ESPN: variants seen among roughly 807,000 people sequenced by gnomAD.
ESPN encodes the protein espin.
A neutral mutation model predicts 77.7 loss-of-function variants in ESPN; 68 were observed. The observed-to-expected ratio is 0.87, with a 90% confidence interval of 0.72 to 1.07. The LOEUF is 1.07. ESPN is among the 50% of genes least tolerant of loss of function. ESPN has a pLI of 0.00. For missense variants in ESPN, 1,060 were observed against 1,239.0 expected, an observed-to-expected ratio of 0.86 and a Z score of 2.17; for synonymous variants, 449 against 567.1, an observed-to-expected ratio of 0.79 and a Z score of 2.96.
In ESPN at chr1:6,444,626, A is replaced by G. The variant is rs139206180; in HGVS notation, c.1136A>G (p.Asn379Ser). Residue 379 changes from asparagine (N) to serine (S), a missense_variant, in exon 6 of 13, where the codon AAC becomes AGC. Transcript: ENST00000645284. ...AGCTCGCCTACCAGCACCCTCTCCA[A>G]CTACGACTCCTGCTCCTCCAGCCAC... ...DLSSPTSTLSNYDSCSSSHSS... is the reference protein window; with the variant it reads ...DLSSPTSTLSSYDSCSSSHSS... 339 of 1,613,910 alleles carry G rather than the reference A, an allele frequency of 2.1e-4. No individual in the cohort carries two copies. Among genetic ancestry groups the G allele is most frequent in the Non-Finnish European group, 2.7e-4 (315 of 1,179,970 alleles).
rs764237275 is a variant in ESPN, at chr1:6,440,767, G to T, written c.817G>T (p.Gly273Trp). The change falls in exon 4 of 13, where the codon GGG becomes TGG. Residue 273 changes from glycine to tryptophan, a missense_variant. Coordinates refer to ENST00000645284, the MANE Select transcript of ESPN (RefSeq NM_031475.3). ...GGEISADLWGGTPLHDAAENG... is the reference protein window; with the variant it reads ...GGEISADLWGWTPLHDAAENG... ...GGAGATCTCGGCTGACCTGTGGGGCGGGACCCCGCTGCACGACGCCGCCGA... is the reference window on the plus strand; with the variant it reads ...GGAGATCTCGGCTGACCTGTGGGGCTGGACCCCGCTGCACGACGCCGCCGA... 13 of 1,527,784 alleles carry T rather than the reference G, an allele frequency of 8.5e-6. No homozygotes were observed. Among genetic ancestry groups the T allele is most frequent in the African/African-American group, 1.4e-5 (1 of 70,282 alleles). The allele number at this position is 1,527,784 out of a possible 1,614,324, so 94.6% of individuals were successfully genotyped here. A position where few individuals can be genotyped will look rare whatever the true frequency, so the allele number is the denominator to read the frequency against.
chr1:6,461,307 T>C, downstream of ESPN: 3 of 1,232,624 alleles, frequency 2.4e-6, no homozygotes, highest in Non-Finnish European at 3.5e-6. The surrounding 1 kb of genome is among the most constrained non-coding windows in gnomAD (Gnocchi z 6.3). Context: ...TGGGGCCGGC[T>C]GGTGCTGCTA....
At chr1:6,442,211 T>C (rs1643662155) in intron 5 of ESPN, among the ~76,000 whole-genome samples, 2 of 152,300 alleles carry the variant, frequency 1.3e-5, no homozygotes, top group East Asian at 3.9e-4. Context: ...CATTGGATTC[T>C]GACTTAGGCA....
At chr1:6,455,047 C>T (rs1050994060) in intron 10 of ESPN, 8 of 380,494 alleles carry the variant, frequency 2.1e-5, no homozygotes, top group African/African-American at 1.5e-4. Flanking sequence ...GCTGGCGCCC[C>T]GGGCCGGGAG....
chr1:6,451,448 C>A lies in ESPN; in HGVS notation c.1916-155C>A. 1 of 1,066,888 alleles carries A rather than the reference C, an allele frequency of 9.4e-7. No homozygotes were observed. Among genetic ancestry groups the A allele is most frequent in the Non-Finnish European group, 1.4e-6 (1 of 716,358 alleles). The allele number at this position is 1,066,888 out of a possible 1,614,324, so 66.1% of individuals were successfully genotyped here. On this transcript the variant is annotated intron_variant, in intron 8 of 12. Coordinates refer to ENST00000645284, the MANE Select transcript of ESPN (RefSeq NM_031475.3). This position sits in a 1 kb window ranked among gnomAD's most constrained non-coding sequence, Gnocchi z 4.3. ...CCGCCTCTGGGGGCCCTGAAACCTG[C>A]CTGCAGGACCTGGGATCTGGAGAGC...
rs1415120519 is a variant in ESPN at position 6,440,742 on chromosome 1, G to A, written c.792G>A (p.Gly264=). 19 of 1,543,854 alleles carry A rather than the reference G, an allele frequency of 1.2e-5. No individual in the cohort carries two copies. The highest frequency in any genetic ancestry group is 1.6e-5 in the Non-Finnish European group (19 of 1,153,896). Residue 264 remains glycine (G), a synonymous_variant, in exon 4 of 13, where the codon GGG becomes GGA. Coordinates refer to ENST00000645284, the MANE Select transcript of ESPN (RefSeq NM_031475.3). ...KVLSWLLLHG[G]EISADLWGGT... is the part of the protein sequence containing the mutation. Reference sequence around the variant, plus strand: ...TCAGCTGGCTGCTGCTGCACGGCGGGGAGATCTCGGCTGACCTGTGGGGCG... The same window carrying A: ...TCAGCTGGCTGCTGCTGCACGGCGGAGAGATCTCGGCTGACCTGTGGGGCG...
At chr1:6,443,869 C>G (rs1037456152) in intron 5 of ESPN, among the ~76,000 whole-genome samples, 1 of 152,190 alleles carries the variant, frequency 6.6e-6, no homozygotes, top group Non-Finnish European at 1.5e-5. Flanking sequence ...AGGGCCCCCA[C>G]CACAGCCCCG....
chr1:6,427,957 G>T lies in ESPN; in HGVS notation c.295-269G>T, dbSNP rs1643100057. On this transcript the variant is annotated intron_variant, in intron 1 of 12. Coordinates refer to ENST00000645284, the MANE Select transcript of ESPN (RefSeq NM_031475.3). This position sits in a 1 kb window ranked among gnomAD's most constrained non-coding sequence, Gnocchi z 4.6. ...CTGTCGTGTAGGCAGCTCGCAGTCA[G>T]GACCTGCAGCCTCTGAAAACCCTGC... Among the ~76,000 whole-genome samples the T allele has an allele frequency of 6.6e-6, 1 of 151,938 alleles. No homozygotes were observed. The highest frequency in any genetic ancestry group is 1.5e-5 in the Non-Finnish European group (1 of 67,928).
intron 5 of ESPN, among the ~76,000 whole-genome samples, chr1:6,441,359 C>T (rs1643631273): frequency 6.6e-6 from 1 of 152,212 alleles, no homozygotes; most frequent in Non-Finnish European, 1.5e-5. Context: ...TACCCATAGA[C>T]ATTAGCTTGG....
rs771543833 is a variant in ESPN, at chr1:6,459,983, C to G, written c.2418-16C>G. The G allele has an allele frequency of 3.1e-6, 5 of 1,613,164 alleles. No homozygotes were observed. The East Asian group carries it at 6.7e-5, about 22-fold the overall frequency. On this transcript the variant is annotated splice_polypyrimidine_tract_variant and intron_variant, in intron 12 of 12. Coordinates refer to ENST00000645284, the MANE Select transcript of ESPN (RefSeq NM_031475.3). ...CCCAGACTTCACCGGGTCTGCCCCCCTCCCCACTGCCTCAGGAAAGAGGAG... is the reference window on the plus strand; with the variant it reads ...CCCAGACTTCACCGGGTCTGCCCCCGTCCCCACTGCCTCAGGAAAGAGGAG...
rs1490288945 is a variant in ESPN at position 6,451,005 on chromosome 1, AG to A, written c.1916-597del. On this transcript the variant is annotated intron_variant, in intron 8 of 12. Transcript: ENST00000645284. This position sits in a 1 kb window ranked among gnomAD's most constrained non-coding sequence, Gnocchi z 4.3. ...GGGCTCTGCTTTCCTGGGCCCCTAG[AG>A]CTGAGCCATGCTTTGCCATAAAGGT... 6.6e-6 allele frequency among the ~76,000 whole-genome samples: 1 copy of A among 152,014 alleles called. No individual in the cohort carries two copies. Among genetic ancestry groups the A allele is most frequent in the African/African-American group, 2.4e-5 (1 of 41,380 alleles).
chr1:6,425,256 C>A lies in ESPN; in HGVS notation c.294+7C>A. ...GGGCGGCTGCAGAGTGCAGGTGGGT[C>A]CGCGCGGTTCGCCAGGGGCACTGAG... On this transcript the variant is annotated splice_region_variant and intron_variant, in intron 1 of 12. Transcript: ENST00000645284. 6.4e-7 allele frequency: 1 copy of A among 1,567,540 alleles called. No homozygotes were observed. The highest frequency in any genetic ancestry group is 8.6e-7 in the Non-Finnish European group (1 of 1,165,298).
At chr1:6,439,520 G>A (rs1023412393) in intron 2 of ESPN, among the ~76,000 whole-genome samples, 1 of 152,172 alleles carries the variant, frequency 6.6e-6, no homozygotes, top group Non-Finnish European at 1.5e-5. Flanking sequence ...AGGCCAGCAA[G>A]GGGGAAATAA....
rs1175713486 is a variant in ESPN, at chr1:6,447,744, C to G, written c.1465-897C>G. Reference sequence around the variant, plus strand: ...GGAGGGGAAGGGTGGGGACGCGACCCGGAGCCGGGGGCCAAATATGAGAGG... The same window carrying G: ...GGAGGGGAAGGGTGGGGACGCGACCGGGAGCCGGGGGCCAAATATGAGAGG... On this transcript the variant is annotated intron_variant, in intron 7 of 12. Transcript: ENST00000645284. The surrounding 1 kb of genome is among the most constrained non-coding windows in gnomAD (Gnocchi z 5.2). 1.3e-5 allele frequency among the ~76,000 whole-genome samples: 2 copies of G among 152,098 alleles called. No individual in the cohort carries two copies. Among genetic ancestry groups the G allele is most frequent in the African/African-American group, 4.8e-5 (2 of 41,414 alleles).
Position 6,451,816 on chromosome 1 carries a change from A to T in ESPN, c.2062-17A>T, listed in dbSNP as rs1237377181. ...CCTAGGCCACCGGGCGCTCAGCCCCACCGCTTCTCCCTGCAGCCCGATTCG... is the reference window on the plus strand; with the variant it reads ...CCTAGGCCACCGGGCGCTCAGCCCCTCCGCTTCTCCCTGCAGCCCGATTCG... On this transcript the variant is annotated splice_polypyrimidine_tract_variant and intron_variant, in intron 9 of 12. Transcript: ENST00000645284. This position sits in a 1 kb window ranked among gnomAD's most constrained non-coding sequence, Gnocchi z 4.3. The T allele has an allele frequency of 6.2e-7, 1 of 1,610,624 alleles. No individual in the cohort carries two copies. Among genetic ancestry groups the T allele is most frequent in the Admixed American group, 1.7e-5 (1 of 59,826 alleles).
chr1:6,456,672 C>T lies in ESPN; in HGVS notation c.2326-512C>T, dbSNP rs1159215580. 9 of 220,610 alleles carry T rather than the reference C, an allele frequency of 4.1e-5. No homozygotes were observed. In the South Asian group the frequency reaches 6.2e-4, roughly 15 times the overall value. The allele number at this position is 220,610 out of a possible 1,614,324, so 13.7% of individuals were successfully genotyped here. ...AGGAAATAAAACTCTTTGCTGTAAA[C>T]TGCCTGCGTTGGACACCACACCTGC... On this transcript the variant is annotated intron_variant, in intron 10 of 12. Coordinates refer to ENST00000645284, the MANE Select transcript of ESPN (RefSeq NM_031475.3).
intron 12 of ESPN, among the ~76,000 whole-genome samples, chr1:6,459,657 C>G (rs992679186): frequency 6.6e-6 from 1 of 152,152 alleles, no homozygotes; most frequent in Admixed American, 6.5e-5. Flanking sequence ...ACAGCTCCCC[C>G]ACAACTCAAG....
intron 10 of ESPN, chr1:6,455,195 T>G: frequency 2.6e-6 from 1 of 388,420 alleles, no homozygotes; most frequent in Admixed American, 4.5e-5. Context: ...CGGCGCTGCC[T>G]GAGCCCGAGC....
rs1461358030 is a variant in ESPN at position 6,447,327 on chromosome 1, CCG to C, written c.1465-1309_1465-1308del. On this transcript the variant is annotated intron_variant, in intron 7 of 12. Coordinates refer to ENST00000645284, the MANE Select transcript of ESPN (RefSeq NM_031475.3). This position sits in a 1 kb window ranked among gnomAD's most constrained non-coding sequence, Gnocchi z 5.2. ...GCTCTTTGTGTCGCCGCGGCGCCCC[CCG>C]CGCGGGTGCCTGACCGGGGGCGGGA... The C allele has an allele frequency of 6.6e-6, 1 of 152,194 alleles. No individual in the cohort carries two copies. The highest frequency in any genetic ancestry group is 1.5e-5 in the Non-Finnish European group (1 of 68,032). 9.4% of individuals were successfully genotyped at this position (152,194 alleles called of 1,614,324 possible).
Sources: gnomAD v4.1 joint callset for allele counts (sites outside exome capture counted in the v4.1 genomes callset) on GRCh38, gnomAD v4.1.1 for gene constraint, Gnocchi (gnomAD v3.1) non-coding constraint, MANE v1.5 for transcripts, NCBI Gene and HGNC (gene_info 2026-07-23, HGNC 2026-07-21) for gene names.